The following SPATA21 variants were observed in gnomAD, a reference collection of about 807,000 sequenced individuals.
SPATA21 encodes spermatogenesis-associated protein 21.
Under a neutral mutation model 54.8 loss-of-function variants are expected in SPATA21, and 47 were observed. That is an observed-to-expected ratio of 0.86 (90% CI 0.68 to 1.09). SPATA21 has a LOEUF of 1.09. Among genes scored for constraint, SPATA21 ranks in the 50% least tolerant of loss-of-function variants. The pLI is 0.00. For missense variants in SPATA21, 599 were observed against 596.4 expected (o/e 1.00, Z -0.05); for synonymous variants, 245 against 235.3 (o/e 1.04, Z -0.38).
At chr1:16,413,466 C>G (rs897350828) in intron 5 of SPATA21, among the ~76,000 whole-genome samples, 31 of 152,198 alleles carry the variant, frequency 2.0e-4, no homozygotes, top group African/African-American at 7.0e-4. Flanking sequence ...GTGAATAATA[C>G]TGCTATGAAC....
chr1:16,422,219 C>A, intron 3 of SPATA21: 3 of 1,414,872 alleles, frequency 2.1e-6, no homozygotes, highest in Non-Finnish European at 2.8e-6. Context: ...GACACCACGG[C>A]TGGGGAGCTC....
intron 10 of SPATA21, among the ~76,000 whole-genome samples, chr1:16,401,367 C>T (rs940167413): frequency 2.6e-5 from 4 of 152,152 alleles, no homozygotes; most frequent in African/African-American, 9.7e-5. Context: ...TGAACATGGC[C>T]TCACTACAGC....
At position 16,400,860 on chromosome 1, in the gene SPATA21, C is replaced by A; in HGVS notation, c.1034G>T (p.Cys345Phe). 1 of 1,613,534 alleles carries A rather than the reference C, an allele frequency of 6.2e-7. No homozygotes were observed. The highest frequency in any genetic ancestry group is 8.5e-7 in the Non-Finnish European group (1 of 1,179,774). The change falls in exon 11 of 13, where the codon TGC becomes TTC. Residue 345 changes from cysteine (C) to phenylalanine (F), a missense_variant. Physicochemically the swap from Cys to Phe is radical, Grantham distance 205 (BLOSUM62 -2). Transcript: ENST00000335496. ...YYQKKLKEGT[C>F]KAQEMEAAVG... Reference sequence around the variant, plus strand: ...GGCCGCTTCCATCTCCTGGGCCTTGCAGGTGCCTTCCTTCAGCTTTTTCTG... The same window carrying A: ...GGCCGCTTCCATCTCCTGGGCCTTGAAGGTGCCTTCCTTCAGCTTTTTCTG...
chr1:16,415,997 C>T (rs1286333541), intron 5 of SPATA21, among the ~76,000 whole-genome samples: 1 of 152,192 alleles, frequency 6.6e-6, no homozygotes, highest in African/African-American at 2.4e-5. Context: ...ATTCCTCCTT[C>T]TGCCTTCTCT....
At chr1:16,410,390 C>T (rs572230765) in intron 5 of SPATA21, among the ~76,000 whole-genome samples, 4 of 151,614 alleles carry the variant, frequency 2.6e-5, no homozygotes, top group Non-Finnish European at 4.4e-5. Flanking sequence ...GGACTACAGC[C>T]GCGCACTACA....
intron 3 of SPATA21, chr1:16,427,817 A>C (rs1557671732): frequency 6.6e-7 from 1 of 1,514,258 alleles, no homozygotes; most frequent in Non-Finnish European, 8.9e-7. Context: ...GGTGGGCTAC[A>C]GGGGGTTCTC....
chr1:16,407,338 G>C (rs570425679), intron 7 of SPATA21, among the ~76,000 whole-genome samples: 126 of 152,312 alleles, frequency 8.3e-4, no homozygotes, highest in Non-Finnish European at 1.6e-3. Flanking sequence ...ATTGGGAGCT[G>C]TGGGACCTTG....
chr1:16,432,411 T>A (rs1221800915), intron 2 of SPATA21, among the ~76,000 whole-genome samples: 2 of 152,048 alleles, frequency 1.3e-5, no homozygotes, highest in Admixed American at 6.6e-5. Flanking sequence ...TGTGAGCCAC[T>A]GCACCTGGCC....
chr1:16,409,998 G>T lies in SPATA21; in HGVS notation c.190C>A (p.Gln64Lys). The T allele has an allele frequency of 6.3e-7, 1 of 1,592,234 alleles. No individual in the cohort carries two copies. Among genetic ancestry groups the T allele is most frequent in the South Asian group, 1.2e-5 (1 of 86,882 alleles). ...GCCACCGCGGGCTTCTGAGGCTGCTGCTGCGCACGGTCTGGCTCCCGCCTC... is the reference window on the plus strand; with the variant it reads ...GCCACCGCGGGCTTCTGAGGCTGCTTCTGCGCACGGTCTGGCTCCCGCCTC... ...GERREPDRAQ[Q>K]QPQKPAVAAG... Residue 64 changes from glutamine to lysine, a missense_variant, in exon 6 of 13, where the codon CAG becomes AAG. Gln to Lys is a moderately conservative substitution (Grantham distance 53). Transcript: ENST00000335496. This position sits in a 1 kb window ranked among gnomAD's most constrained non-coding sequence, Gnocchi z 4.1.
chr1:16,431,401 A>C lies in SPATA21; in HGVS notation c.-30T>G. On this transcript the variant is annotated 5_prime_UTR_variant, in exon 3 of 13. Transcript: ENST00000335496. ...CCAGCGCCAACACGGGTGCCAAGTGAGGGGCATCACCTAGTGTGCTCCTAC... is the reference window on the plus strand; with the variant it reads ...CCAGCGCCAACACGGGTGCCAAGTGCGGGGCATCACCTAGTGTGCTCCTAC... 6.2e-7 allele frequency: 1 copy of C among 1,613,686 alleles called. No individual in the cohort carries two copies. The highest frequency in any genetic ancestry group is 1.1e-5 in the South Asian group (1 of 91,016).
intron 5 of SPATA21, among the ~76,000 whole-genome samples, chr1:16,411,557 G>A (rs955733715): frequency 2.6e-5 from 4 of 152,086 alleles, no homozygotes; most frequent in African/African-American, 7.2e-5. Flanking sequence ...TTGGGAGGGC[G>A]AGGCAGGCGG....
chr1:16,407,071 T>G (rs555450741), intron 7 of SPATA21, among the ~76,000 whole-genome samples: 14 of 152,362 alleles, frequency 9.2e-5, no homozygotes, highest in African/African-American at 3.1e-4. Flanking sequence ...CAGGGCACCC[T>G]CTTGGAAGTA....
At chr1:16,412,685 A>G (rs984400718) in intron 5 of SPATA21, among the ~76,000 whole-genome samples, 1 of 151,064 alleles carries the variant, frequency 6.6e-6, no homozygotes. Flanking sequence ...CTGGTCTCGA[A>G]CTCCTGACCT....
rs750189379 is a variant in SPATA21 at position 16,400,885 on chromosome 1, G to A, written c.1009C>T (p.Gln337Ter). The A allele has an allele frequency of 6.2e-7, 1 of 1,612,284 alleles. No individual in the cohort carries two copies. Among genetic ancestry groups the A allele is most frequent in the Non-Finnish European group, 8.5e-7 (1 of 1,179,156 alleles). The change falls in exon 11 of 13, where the codon CAG (glutamine) becomes TAG (stop). Residue 337 changes from glutamine (Q) to a stop codon, truncating the protein, a stop_gained. Coordinates refer to ENST00000335496, the MANE Select transcript of SPATA21 (RefSeq NM_198546.1). LOFTEE classifies it high-confidence loss of function. Reference protein sequence around the residue: ...AVLEEITNYYQKKLKEGTCKA... With the variant: ...AVLEEITNYY ...CAGGTGCCTTCCTTCAGCTTTTTCT[G>A]GTAGTAGCTGGGGAGGCAGTGCCCA...
intron 10 of SPATA21, among the ~76,000 whole-genome samples, chr1:16,402,405 G>A (rs1570090615): frequency 2.0e-5 from 3 of 151,110 alleles, no homozygotes; most frequent in African/African-American, 4.9e-5. Flanking sequence ...GGGATTACAG[G>A]CACCCGCCAC....
downstream of SPATA21, chr1:16,397,811 A>AGCCCT (rs934496883): frequency 2.2e-5 from 4 of 184,868 alleles, no homozygotes; most frequent in Admixed American, 1.3e-4. This position sits in a 1 kb window ranked among gnomAD's most constrained non-coding sequence, Gnocchi z 5.4. Flanking sequence ...TGCCCCGCCC[A>AGCCCT]GCCCTGCCCT....
chr1:16,422,076 C>A lies in SPATA21; in HGVS notation c.35-105G>T, dbSNP rs536904317. 26 of 1,595,704 alleles carry A rather than the reference C, an allele frequency of 1.6e-5. No individual in the cohort carries two copies. The Admixed American group carries it at 3.3e-4, about 20-fold the overall frequency. On this transcript the variant is annotated intron_variant, in intron 3 of 12. Coordinates refer to ENST00000335496, the MANE Select transcript of SPATA21 (RefSeq NM_198546.1). Reference sequence around the variant, plus strand: ...CTCCTGTGGCCTGATGTGTGGGACACCTGCCTCCTTGGGGTGCTTGCCTCC... The same window carrying A: ...CTCCTGTGGCCTGATGTGTGGGACAACTGCCTCCTTGGGGTGCTTGCCTCC...
At chr1:16,433,468 C>T (rs2086510245) in intron 1 of SPATA21, among the ~76,000 whole-genome samples, 1 of 152,216 alleles carries the variant, frequency 6.6e-6, no homozygotes, top group Non-Finnish European at 1.5e-5. Flanking sequence ...TTAGGGTTCC[C>T]CTAGCCATTC....
At chr1:16,425,582 T>C (rs747984561) in intron 3 of SPATA21, 1 of 1,550,124 alleles carries the variant, frequency 6.5e-7, no homozygotes, top group South Asian at 1.2e-5. Context: ...CCTCCCCTGC[T>C]GGCCCTTGAT....
Sources: gnomAD v4.1 joint callset for allele counts (sites outside exome capture counted in the v4.1 genomes callset) on GRCh38, gnomAD v4.1.1 for gene constraint, Gnocchi (gnomAD v3.1) non-coding constraint, MANE v1.5 for transcripts, NCBI Gene and HGNC (gene_info 2026-07-23, HGNC 2026-07-21) for gene names.